MTTP: variants seen among roughly 807,000 people sequenced by gnomAD.
MTTP encodes the protein microsomal triglyceride transfer protein large subunit.
A neutral mutation model predicts 90.6 loss-of-function variants in MTTP; 49 were observed. The ratio of observed to expected loss-of-function variants is 0.54; its 90% CI spans 0.43 to 0.69. MTTP has a LOEUF of 0.69. Ranked by LOEUF, MTTP falls within the 30% of genes least tolerant of loss-of-function variation. The probability of loss-of-function intolerance (pLI) is 0.00; values close to 1 mark genes in which losing one functional copy is unlikely to be tolerated. For missense variants in MTTP, 945 were observed against 1,067.5 expected (o/e 0.89, Z 1.60); for synonymous variants, 347 against 384.2 (o/e 0.90, Z 1.13).
intron 15 of MTTP, among the ~76,000 whole-genome samples, chr4:99,614,427 T>A (rs1726047997): frequency 1.3e-5 from 2 of 152,242 alleles, no homozygotes; most frequent in Non-Finnish European, 1.5e-5. Flanking sequence ...TAAACAGTGT[T>A]AATTTTCTAT....
chr4:99,618,020 T>TCAGATCA (rs1431126380), intron 15 of MTTP, among the ~76,000 whole-genome samples: 1 of 150,490 alleles, frequency 6.6e-6, no homozygotes, highest in East Asian at 1.9e-4. Context: ...TCAACCAACC[T>TCAGATCA]CAGATCAAAA....
intron 1 of MTTP, among the ~76,000 whole-genome samples, chr4:99,565,073 C>CT (rs1560608090): frequency 6.6e-6 from 1 of 152,114 alleles, no homozygotes; most frequent in Non-Finnish European, 1.5e-5. Flanking sequence ...AGTAGGGCAT[C>CT]TTTTTTCAGC....
chr4:99,568,826 T>G (rs575457685), intron 1 of MTTP, among the ~76,000 whole-genome samples: 2 of 152,100 alleles, frequency 1.3e-5, no homozygotes, highest in African/African-American at 4.8e-5. Context: ...CAAAGAAGGA[T>G]TCAACCTTAA....
rs765325029 is a variant in MTTP, at chr4:99,621,034, T to C, written c.2343-27T>C. The stretch of plus-strand genomic sequence containing the variant: ...TACCATTAAATATAATATGAACAAG[T>C]TTTTTCTTTTTTTCTCAAATGTTTA... On this transcript the variant is annotated intron_variant, in intron 16 of 17. Transcript: ENST00000265517. The C allele has an allele frequency of 5.6e-6, 9 of 1,609,172 alleles. No individual in the cohort carries two copies. The South Asian group carries it at 8.8e-5, about 16-fold the overall frequency.
chr4:99,607,854 G>A (rs904867123), intron 11 of MTTP, among the ~76,000 whole-genome samples: 2 of 152,102 alleles, frequency 1.3e-5, no homozygotes, highest in Admixed American at 1.3e-4. Flanking sequence ...ACCACTGAGG[G>A]CATTGTTGAT....
chr4:99,622,594 A>T, intron 17 of MTTP, 83 bp from the exon 18 acceptor site: 2 of 1,458,702 alleles, frequency 1.4e-6, no homozygotes, highest in Non-Finnish European at 1.9e-6. Flanking sequence ...AGAAACTTCA[A>T]GTACATTCAG....
At position 99,623,024 on chromosome 4, in the gene MTTP, C is replaced by A; in HGVS notation, c.*176C>A. ...AAATTTGGGTATATGCAGTATGCTA[C>A]CCACAGCGTCATTTTGAATCATCAT... On this transcript the variant is annotated 3_prime_UTR_variant, in exon 18 of 18. Transcript: ENST00000265517. 2 of 665,866 alleles carry A rather than the reference C, an allele frequency of 3.0e-6. No homozygotes were observed. Among genetic ancestry groups the A allele is most frequent in the South Asian group, 1.7e-5 (1 of 57,582 alleles). 41.2% of individuals were successfully genotyped at this position (665,866 alleles called of 1,614,324 possible).
At chr4:99,564,524 C>G (rs1046549386) in intron 1 of MTTP, 1 of 329,152 alleles carries the variant, frequency 3.0e-6, no homozygotes, top group East Asian at 6.4e-5. Flanking sequence ...TTTATTCATT[C>G]CTTGAGCTAT....
Position 99,621,068 on chromosome 4 carries a change from G to T in MTTP, c.2350G>T (p.Val784Leu), listed in dbSNP as rs142132258. The change falls in exon 17 of 18, where the codon GTG becomes TTG. Residue 784 changes from valine to leucine, a missense_variant. Val to Leu is a conservative substitution (Grantham distance 32). Transcript: ENST00000265517. ...TTTTTCTCAAATGTTTAGGGTGACTGTGGTAATAACCACTGACATCACAGT... is the reference window on the plus strand; with the variant it reads ...TTTTTCTCAAATGTTTAGGGTGACTTTGGTAATAACCACTGACATCACAGT... ...SKTRVKNRVT[V>L]VITTDITVDS... 6.2e-7 allele frequency: 1 copy of T among 1,613,862 alleles called. No homozygotes were observed. Among genetic ancestry groups the T allele is most frequent in the African/African-American group, 1.3e-5 (1 of 74,888 alleles).
At chr4:99,579,602 G>GAAGCTTTATGA (rs968048445) in intron 1 of MTTP, among the ~76,000 whole-genome samples, 2 of 151,960 alleles carry the variant, frequency 1.3e-5, no homozygotes, top group African/African-American at 4.8e-5. Context: ...TTTTCTTTAT[G>GAAGCTTTATGA]AGCACTTCTA....
chr4:99,589,838 T>A, intron 4 of MTTP, 88 bp downstream of exon 4: 1 of 920,088 alleles, frequency 1.1e-6, no homozygotes, highest in Non-Finnish European at 1.8e-6. Context: ...GAGTTACTAC[T>A]AAGGTAATGC....
Position 99,622,924 on chromosome 4 carries a change from C to G in MTTP, c.*76C>G. On this transcript the variant is annotated 3_prime_UTR_variant, in exon 18 of 18. Coordinates refer to ENST00000265517, the MANE Select transcript of MTTP (RefSeq NM_001386140.1). ...TGTGGCATGACTAAGTACTTGCTCTCTGAGAGCACAGCGTTTACATATTTA... is the reference window on the plus strand; with the variant it reads ...TGTGGCATGACTAAGTACTTGCTCTGTGAGAGCACAGCGTTTACATATTTA... 6.8e-7 allele frequency: 1 copy of G among 1,476,796 alleles called. No homozygotes were observed. 91.5% of individuals were successfully genotyped at this position (1,476,796 alleles called of 1,614,324 possible). A position where few individuals can be genotyped will look rare whatever the true frequency, so the allele number is the denominator to read the frequency against.
At chr4:99,580,619 G>T (rs185878314) in intron 1 of MTTP, among the ~76,000 whole-genome samples, 70 of 128,788 alleles carry the variant, frequency 5.4e-4, no homozygotes, top group Non-Finnish European at 9.5e-4. Context: ...TCTCTATGAT[G>T]AATTACCTGG....
At chr4:99,575,566 GA>G (rs1180285205) in intron 1 of MTTP, among the ~76,000 whole-genome samples, 3 of 152,126 alleles carry the variant, frequency 2.0e-5, no homozygotes, top group South Asian at 2.1e-4. Context: ...ATTATCTTTG[GA>G]AAAATAATGT....
chr4:99,591,988 C>CA (rs1168298960), intron 6 of MTTP, among the ~76,000 whole-genome samples, 198 bp downstream of exon 6: 8 of 152,034 alleles, frequency 5.3e-5, no homozygotes, highest in Non-Finnish European at 1.5e-5. Context: ...TATACATACA[C>CA]AAACCTAGAT....
At chr4:99,590,807 A>G (rs148253086) in intron 4 of MTTP, among the ~76,000 whole-genome samples, 19 of 150,924 alleles carry the variant, frequency 1.3e-4, no homozygotes, top group African/African-American at 4.4e-4. Flanking sequence ...GATTTTAAGA[A>G]TTTCTAATCA....
chr4:99,578,454 A>C (rs1223395851), intron 1 of MTTP, among the ~76,000 whole-genome samples: 3 of 152,204 alleles, frequency 2.0e-5, no homozygotes, highest in Admixed American at 6.5e-5. Context: ...TCAAAAAGGA[A>C]AGTATAAGAG....
At chr4:99,589,885 C>A in intron 4 of MTTP, 135 bp downstream of exon 4, 2 of 674,914 alleles carry the variant, frequency 3.0e-6, no homozygotes, top group South Asian at 1.7e-5. Context: ...GTCGCATTTG[C>A]CTATGAAACA....
At chr4:99,578,423 G>T (rs1725020107) in intron 1 of MTTP, among the ~76,000 whole-genome samples, 1 of 152,170 alleles carries the variant, frequency 6.6e-6, no homozygotes, top group South Asian at 2.1e-4. Flanking sequence ...TCTCTGCAAA[G>T]CATAAACAGA....
Sources: allele counts gnomAD v4.1 joint callset (sites outside exome capture counted in the v4.1 genomes callset), GRCh38; gene constraint gnomAD v4.1.1; transcripts MANE v1.5; gene names NCBI Gene and HGNC (gene_info 2026-07-23, HGNC 2026-07-21).